Variants in CAPN3 observed in about 807,000 individuals in gnomAD.
The protein encoded by CAPN3 is calpain 3.
CAPN3 carries 88 observed loss-of-function variants against 114.0 expected under a neutral mutation model. The ratio of observed to expected loss-of-function variants is 0.77; its 90% confidence interval spans 0.65 to 0.92. The LOEUF (loss-of-function observed/expected upper bound fraction) is 0.92, where lower values mean the gene tolerates loss of function less well. Among genes scored for constraint, CAPN3 ranks in the 40% least tolerant of loss-of-function variants. CAPN3 has a pLI of 0.00. For missense variants in CAPN3, 1,028 were observed against 1,069.0 expected, an observed-to-expected ratio of 0.96 and a Z score of 0.53; for synonymous variants, 386 against 382.9, an observed-to-expected ratio of 1.01 and a Z score of -0.09.
At chr15:42,411,541 C>CCAGT (rs1262283516) in intron 23 of CAPN3, among the ~76,000 whole-genome samples, 196 bp downstream of exon 23, 1 of 152,040 alleles carries the variant, frequency 6.6e-6, no homozygotes, top group African/African-American at 2.4e-5. Flanking sequence ...CTCTGCTCCC[C>CCAGT]CAGTCACTTG....
intron 7 of CAPN3, among the ~76,000 whole-genome samples, 187 bp downstream of exon 7, chr15:42,392,909 C>T (rs907745739): frequency 5.3e-5 from 8 of 152,194 alleles, no homozygotes; most frequent in African/African-American, 1.9e-4. Context: ...GATCCTGCCA[C>T]AGTTGGTGCA....
intron 1 of CAPN3, among the ~76,000 whole-genome samples, chr15:42,364,556 G>A (rs2052730100): frequency 6.6e-6 from 1 of 152,222 alleles, no homozygotes; most frequent in Non-Finnish European, 1.5e-5. Flanking sequence ...ATCCATCTCA[G>A]CATGAGGATG....
intron 1 of CAPN3, among the ~76,000 whole-genome samples, chr15:42,373,571 T>C (rs1387522869): frequency 6.6e-6 from 1 of 152,222 alleles, no homozygotes. Flanking sequence ...ATGAATATAA[T>C]TCCCACATGA....
At chr15:42,381,293 C>T (rs2053245025) in intron 1 of CAPN3, among the ~76,000 whole-genome samples, 1 of 152,086 alleles carries the variant, frequency 6.6e-6, no homozygotes, top group Non-Finnish European at 1.5e-5. Context: ...CTTCTTTTAA[C>T]ATTTCTTGCA....
At chr15:42,408,649 T>C in intron 16 of CAPN3, 1 of 379,820 alleles carries the variant, frequency 2.6e-6, no homozygotes. Flanking sequence ...TCTTGTCTCC[T>C]GGTGGCCTTG....
At chr15:42,380,049 G>A (rs1039209825) in intron 1 of CAPN3, among the ~76,000 whole-genome samples, 8 of 152,148 alleles carry the variant, frequency 5.3e-5, no homozygotes, top group African/African-American at 1.4e-4. Flanking sequence ...CCGAGAGGCG[G>A]AGACTGTGCC....
intron 1 of CAPN3, among the ~76,000 whole-genome samples, chr15:42,369,140 A>G (rs2052866803): frequency 6.6e-6 from 1 of 152,042 alleles, no homozygotes; most frequent in African/African-American, 2.4e-5. Context: ...GGAGAAGTTC[A>G]TTGTGGGTTT....
Position 42,387,805 on chromosome 15 carries a change from C to T in CAPN3, c.551C>T (p.Thr184Met), listed in dbSNP as rs35889956. Reference protein sequence around the residue: ...VDVVIDDCLPTYNNQLVFTKS... With the variant: ...VDVVIDDCLPMYNNQLVFTKS... ...GTGGTTATAGATGACTGCCTGCCAA[C>T]GTACAACAATCAACTGGTTTTCACC... is the stretch of plus-strand genomic sequence containing the variant. Residue 184 changes from threonine to methionine, a missense_variant, in exon 4 of 24, where the codon ACG becomes ATG. By Grantham distance (81) the Thr-to-Met change is moderately conservative. Transcript: ENST00000397163. The T allele has an allele frequency of 1.7e-3, 2,700 of 1,614,142 alleles. 43 individuals are homozygous for T. In the African/African-American group the frequency reaches 0.033, roughly 20 times the overall value.
intron 10 of CAPN3, 98 bp downstream of exon 10, chr15:42,399,750 C>T: frequency 1.9e-6 from 2 of 1,043,826 alleles, no homozygotes; most frequent in Non-Finnish European, 2.7e-6. Flanking sequence ...TTCCAGACGT[C>T]CACTATCTTA....
chr15:42,398,616 CACACACACACACACACACATATATAT>C (rs1393654009), intron 9 of CAPN3, among the ~76,000 whole-genome samples: 6 of 149,378 alleles, frequency 4.0e-5, no homozygotes, highest in African/African-American at 1.5e-4. Context: ...CACACACACA[CACACACACACACACACACATATATAT>C]ACACACATAT....
intron 13 of CAPN3, 49 bp downstream of exon 13, chr15:42,403,051 C>A: frequency 1.3e-6 from 2 of 1,513,958 alleles, no homozygotes; most frequent in Non-Finnish European, 1.8e-6. Context: ...CTCACATGGC[C>A]CACTCCAGAG....
intron 2 of CAPN3, among the ~76,000 whole-genome samples, chr15:42,384,860 C>T (rs540341696): frequency 6.6e-6 from 1 of 152,302 alleles, no homozygotes; most frequent in East Asian, 1.9e-4. Flanking sequence ...TTCACTGTAT[C>T]GTCTTTCTTG....
At chr15:42,365,210 C>A (rs2052747344) in intron 1 of CAPN3, among the ~76,000 whole-genome samples, 1 of 152,214 alleles carries the variant, frequency 6.6e-6, no homozygotes, top group Non-Finnish European at 1.5e-5. Context: ...TTAACCCAGA[C>A]TTCAGGTTAA....
At chr15:42,390,321 G>A (rs1483454179) in intron 6 of CAPN3, among the ~76,000 whole-genome samples, 2 of 152,138 alleles carry the variant, frequency 1.3e-5, no homozygotes, top group Non-Finnish European at 2.9e-5. Flanking sequence ...CATATTCCAT[G>A]GTCCAGGCAG....
intron 1 of CAPN3, among the ~76,000 whole-genome samples, chr15:42,366,799 G>T (rs1254266163): frequency 6.7e-6 from 1 of 150,160 alleles, no homozygotes; most frequent in South Asian, 2.1e-4. Flanking sequence ...TCCTCTCCAC[G>T]ACCCGACCCT....
chr15:42,380,339 A>G (rs1021048320), intron 1 of CAPN3, among the ~76,000 whole-genome samples: 14 of 41,114 alleles, frequency 3.4e-4, no homozygotes, highest in Non-Finnish European at 7.1e-4. Flanking sequence ...ATTTTATCCT[A>G]TTTTATCCTT....
rs74009087 is a variant in CAPN3, at chr15:42,412,044, G to C, written c.*271G>C. On this transcript the variant is annotated 3_prime_UTR_variant, in exon 24 of 24. Transcript: ENST00000397163. The stretch of plus-strand genomic sequence containing the variant: ...AAAGTGCCTGCCTCTGGTCCGAGCC[G>C]CCTCGGTTCTGAAGCGAGTGCTCCT... 6.6e-7 allele frequency: 1 copy of C among 1,520,510 alleles called. No individual in the cohort carries two copies. The highest frequency in any genetic ancestry group is 1.4e-5 in the African/African-American group (1 of 72,688). The allele number at this position is 1,520,510 out of a possible 1,614,324, so 94.2% of individuals were successfully genotyped here.
intron 8 of CAPN3, among the ~76,000 whole-genome samples, chr15:42,394,774 T>C (rs1343498958): frequency 1.3e-5 from 2 of 152,160 alleles, no homozygotes; most frequent in Non-Finnish European, 2.9e-5. Flanking sequence ...ATTGCTAAGA[T>C]TCCCTTACCC....
intron 23 of CAPN3, 138 bp downstream of exon 23, chr15:42,411,483 G>A: frequency 1.1e-6 from 1 of 897,186 alleles, no homozygotes; most frequent in Non-Finnish European, 1.9e-6. Context: ...AACATGGAGG[G>A]AGGCTCAGCA....
Sources: gnomAD v4.1 joint callset for allele counts (sites outside exome capture counted in the v4.1 genomes callset) on GRCh38, gnomAD v4.1.1 for gene constraint, MANE v1.5 for transcripts, NCBI Gene and HGNC (gene_info 2026-07-23, HGNC 2026-07-21) for gene names.